Variants in COBL observed in about 807,000 individuals in gnomAD.
COBL encodes the protein protein cordon-bleu.
A neutral mutation model predicts 98.8 loss-of-function variants in COBL; 51 were observed. That is an observed-to-expected ratio of 0.52 (90% CI 0.41 to 0.65). COBL has a LOEUF of 0.65. Ranked by LOEUF, COBL falls within the 30% of genes least tolerant of loss-of-function variation. The pLI, the probability that COBL is intolerant of heterozygous loss-of-function variation, is 0.00. For synonymous variants in COBL, 634 were observed against 651.7 expected (o/e 0.97, Z 0.41); for missense variants, 1,617 against 1,617.5 (o/e 1.00, Z 0.01).
chr7:51,184,652 A>C (rs1355018926), intron 4 of COBL, among the ~76,000 whole-genome samples: 2 of 152,218 alleles, frequency 1.3e-5, no homozygotes, highest in Non-Finnish European at 2.9e-5. Context: ...AAAAGTATTG[A>C]TGAGATATTT....
At chr7:51,175,164 C>T (rs891307880) in intron 5 of COBL, among the ~76,000 whole-genome samples, 2 of 152,396 alleles carry the variant, frequency 1.3e-5, no homozygotes, top group South Asian at 2.1e-4. Flanking sequence ...AAGAGGAAAA[C>T]TACCTTTTCC....
chr7:51,242,860 G>A (rs910669194), intron 1 of COBL, among the ~76,000 whole-genome samples: 1 of 152,088 alleles, frequency 6.6e-6, no homozygotes, highest in African/African-American at 2.4e-5. Context: ...TATCACCTCC[G>A]CACAGCTGGT....
At chr7:51,275,721 C>G (rs79136977) in intron 1 of COBL, among the ~76,000 whole-genome samples, 2,172 of 152,304 alleles carry the variant, frequency 0.014, 45 homozygotes, top group African/African-American at 0.049. Flanking sequence ...CGCAGCCCAC[C>G]CAGGAGGCCT....
In COBL at chr7:51,028,658, G is replaced by A. The variant is rs141630570; in HGVS notation, c.2438C>T (p.Pro813Leu). The A allele has an allele frequency of 6.9e-5, 111 of 1,613,014 alleles. No homozygotes were observed. In the African/African-American group the frequency reaches 1.4e-3, roughly 21 times the overall value. ...PESRLQADPK[P>L]ISPQQKSAHH... ...GGCAGACTTCTGCTGGGGCGATATT[G>A]GCTTGGGGTCTGCTTGGAGTCTGCT... The change falls in exon 10 of 13, where the codon CCA becomes CTA. Residue 813 changes from proline to leucine, a missense_variant. Pro to Leu is a moderately conservative substitution (Grantham distance 98). Coordinates refer to ENST00000265136, the MANE Select transcript of COBL (RefSeq NM_015198.5).
chr7:51,018,891 CAAAAAAAAA>C (rs11433270), intron 12 of COBL, among the ~76,000 whole-genome samples: 25 of 6,830 alleles, frequency 3.7e-3, no homozygotes, highest in African/African-American at 0.014. Flanking sequence ...AACTCCATCT[CAAAAAAAAA>C]AAAAAATATA....
intron 7 of COBL, among the ~76,000 whole-genome samples, chr7:51,047,912 A>C (rs1415022175): frequency 6.6e-6 from 1 of 152,180 alleles, no homozygotes; most frequent in African/African-American, 2.4e-5. Flanking sequence ...CACACCTGTA[A>C]TCCCAGCACG....
At chr7:51,053,365 C>T (rs1328525120) in intron 7 of COBL, among the ~76,000 whole-genome samples, 1 of 152,144 alleles carries the variant, frequency 6.6e-6, no homozygotes, top group Admixed American at 6.5e-5. Flanking sequence ...AGCTGTGTGC[C>T]CTGCCCTGTG....
At chr7:51,112,823 G>C (rs1204878607) in intron 6 of COBL, among the ~76,000 whole-genome samples, 1 of 152,158 alleles carries the variant, frequency 6.6e-6, no homozygotes, top group African/African-American at 2.4e-5. Context: ...GCCCCATCTA[G>C]ATCTGTTTTG....
chr7:51,275,186 T>A (rs889125962), intron 1 of COBL, among the ~76,000 whole-genome samples: 11 of 152,244 alleles, frequency 7.2e-5, no homozygotes, highest in African/African-American at 2.6e-4. Flanking sequence ...CCCTGCGGGC[T>A]GGAGGGGAGA....
chr7:51,222,425 G>T (rs1164272179), intron 1 of COBL, among the ~76,000 whole-genome samples: 1 of 152,108 alleles, frequency 6.6e-6, no homozygotes, highest in East Asian at 1.9e-4. Flanking sequence ...ACCACTTTAA[G>T]GAGGTATTAC....
At chr7:51,019,192 C>G (rs6969551) in intron 12 of COBL, among the ~76,000 whole-genome samples, 1 of 150,824 alleles carries the variant, frequency 6.6e-6, no homozygotes, top group Non-Finnish European at 1.5e-5. Flanking sequence ...GCTGAAATCC[C>G]AACCTCCAAG....
At chr7:51,137,587 TA>T (rs35391666) in intron 5 of COBL, among the ~76,000 whole-genome samples, 153 of 145,366 alleles carry the variant, frequency 1.1e-3, no homozygotes, top group East Asian at 1.2e-3. Flanking sequence ...CCCACTTCTT[TA>T]AAAAAAAAAA....
chr7:51,136,587 T>C (rs1562953757), intron 5 of COBL, among the ~76,000 whole-genome samples: 1 of 152,160 alleles, frequency 6.6e-6, no homozygotes, highest in Non-Finnish European at 1.5e-5. Context: ...CTTTAAGCCA[T>C]TAAGAGAACA....
chr7:51,047,893 G>A (rs1789872597), intron 7 of COBL, among the ~76,000 whole-genome samples: 2 of 152,132 alleles, frequency 1.3e-5, no homozygotes, highest in South Asian at 2.1e-4. Context: ...GGGGCCAGGT[G>A]CAGTGGCTCA....
chr7:51,146,668 G>T (rs1179989989), intron 5 of COBL, among the ~76,000 whole-genome samples: 2 of 137,974 alleles, frequency 1.4e-5, no homozygotes, highest in African/African-American at 5.3e-5. Flanking sequence ...GGGGGGAGGG[G>T]GGCAATAGCC....
At chr7:51,154,348 G>A (rs1390062623) in intron 5 of COBL, among the ~76,000 whole-genome samples, 1 of 152,206 alleles carries the variant, frequency 6.6e-6, no homozygotes, top group African/African-American at 2.4e-5. Flanking sequence ...AGAGAACATG[G>A]TCAGGGCACG....
chr7:51,279,786 C>T (rs1460941305), intron 1 of COBL, among the ~76,000 whole-genome samples: 1 of 152,190 alleles, frequency 6.6e-6, no homozygotes, highest in Non-Finnish European at 1.5e-5. Flanking sequence ...TGCTCTTTCC[C>T]CCTCCTGACC....
chr7:51,156,193 C>T, intron 5 of COBL: 2 of 736,846 alleles, frequency 2.7e-6, no homozygotes, highest in Non-Finnish European at 3.2e-6. Context: ...AAATACTCTG[C>T]ACACACACAC....
chr7:51,234,736 A>G lies in COBL; in HGVS notation c.42-14792T>C, dbSNP rs565260686. Among the ~76,000 whole-genome samples, 6 of 150,524 alleles carry G rather than the reference A, an allele frequency of 4.0e-5. No individual in the cohort carries two copies. The South Asian group carries it at 1.3e-3, about 32-fold the overall frequency. On this transcript the variant is annotated intron_variant, in intron 1 of 12. Transcript: ENST00000265136. The stretch of plus-strand genomic sequence containing the variant: ...AAAAAAAAAGAAAGAAAGAAAGAAA[A>G]AGAAAAGAAAGTTCAGAACACAGAA...
Sources: allele counts gnomAD v4.1 joint callset (sites outside exome capture counted in the v4.1 genomes callset), GRCh38; gene constraint gnomAD v4.1.1; transcripts MANE v1.5; gene names NCBI Gene and HGNC (gene_info 2026-07-23, HGNC 2026-07-21).